SEMA6D: variants seen among roughly 807,000 people sequenced by gnomAD.
SEMA6D encodes semaphorin-6D.
A neutral mutation model predicts 106.6 loss-of-function variants in SEMA6D; 35 were observed. That is an observed-to-expected ratio of 0.33 (90% CI 0.25 to 0.44). SEMA6D has a LOEUF of 0.44. Among genes scored for constraint, SEMA6D ranks in the 20% least tolerant of loss-of-function variants. The pLI, the probability that SEMA6D is intolerant of heterozygous loss-of-function variation, is 1.00. For missense variants in SEMA6D, 1,185 were observed against 1,345.9 expected (o/e 0.88, Z 1.87); for synonymous variants, 499 against 487.7 (o/e 1.02, Z -0.31).
At chr15:47,479,243 T>C (rs1387280866) in intron 3 of SEMA6D, among the ~76,000 whole-genome samples, 50 of 152,182 alleles carry the variant, frequency 3.3e-4, no homozygotes, top group Admixed American at 3.1e-3. Flanking sequence ...ATGTCCATTT[T>C]TGAAATCTTC....
intron 3 of SEMA6D, among the ~76,000 whole-genome samples, chr15:47,520,132 C>T (rs1049144678): frequency 1.3e-5 from 2 of 152,188 alleles, no homozygotes; most frequent in African/African-American, 4.8e-5. Flanking sequence ...TTCTATGTCT[C>T]CTTGATACCT....
At chr15:47,715,171 A>C (rs558624143), upstream of SEMA6D, among the ~76,000 whole-genome samples, 1 of 152,306 alleles carries the variant, frequency 6.6e-6, no homozygotes, top group South Asian at 2.1e-4. Context: ...CAGAAAGCAG[A>C]GACACCATGA....
At chr15:47,444,900 G>A (rs527558759) in intron 2 of SEMA6D, among the ~76,000 whole-genome samples, 11 of 152,190 alleles carry the variant, frequency 7.2e-5, no homozygotes, top group East Asian at 1.9e-4. Context: ...CTTGTCCAGC[G>A]TCCAGGAAAA....
chr15:47,623,318 T>A (rs1431906426), intron 4 of SEMA6D, among the ~76,000 whole-genome samples: 1 of 152,208 alleles, frequency 6.6e-6, no homozygotes, highest in Non-Finnish European at 1.5e-5. Context: ...CAGTGAACAT[T>A]CATTGAGTGC....
intron 1 of SEMA6D, among the ~76,000 whole-genome samples, chr15:47,282,317 G>A (rs575170950): frequency 6.6e-6 from 1 of 152,204 alleles, no homozygotes; most frequent in East Asian, 1.9e-4. Context: ...GATTTATGCA[G>A]TATGTGCTCT....
At chr15:47,418,327 C>T (rs558973062) in intron 2 of SEMA6D, among the ~76,000 whole-genome samples, 3 of 152,106 alleles carry the variant, frequency 2.0e-5, no homozygotes, top group Admixed American at 6.6e-5. Context: ...GCTGCCATGC[C>T]GAGAGTGTCT....
At chr15:47,680,503 A>G (rs2078331462) in intron 4 of SEMA6D, among the ~76,000 whole-genome samples, 1 of 152,162 alleles carries the variant, frequency 6.6e-6, no homozygotes, top group South Asian at 2.1e-4. Context: ...GGTGATACAC[A>G]TGCATTGAAA....
At chr15:47,638,124 C>A (rs200174439) in intron 4 of SEMA6D, among the ~76,000 whole-genome samples, 11 of 148,404 alleles carry the variant, frequency 7.4e-5, no homozygotes, top group African/African-American at 1.3e-4. Context: ...CAAAAAAAAA[C>A]CCAATTTCTT....
intron 3 of SEMA6D, among the ~76,000 whole-genome samples, chr15:47,514,762 A>G (rs1405259720): frequency 2.0e-5 from 3 of 152,150 alleles, no homozygotes; most frequent in African/African-American, 7.2e-5. Flanking sequence ...CACTTGAAAA[A>G]GCTTTCAGTG....
intron 1 of SEMA6D, among the ~76,000 whole-genome samples, chr15:47,188,667 T>G (rs1009147234): frequency 1.3e-5 from 2 of 152,212 alleles, no homozygotes; most frequent in African/African-American, 4.8e-5. Context: ...TTTATTCTAC[T>G]TATGTATACA....
At chr15:47,367,421 A>C (rs1326080241) in intron 1 of SEMA6D, among the ~76,000 whole-genome samples, 1 of 152,228 alleles carries the variant, frequency 6.6e-6, no homozygotes, top group Non-Finnish European at 1.5e-5. Flanking sequence ...GAAGATAATC[A>C]GCAAATCCTA....
intron 3 of SEMA6D, among the ~76,000 whole-genome samples, chr15:47,590,730 A>G (rs1217525798): frequency 1.3e-5 from 2 of 152,176 alleles, no homozygotes; most frequent in Non-Finnish European, 2.9e-5. Flanking sequence ...TGCAGCTGCA[A>G]TCCAACGAAT....
At chr15:47,477,081 A>G (rs1050960687) in intron 3 of SEMA6D, among the ~76,000 whole-genome samples, 7 of 152,222 alleles carry the variant, frequency 4.6e-5, no homozygotes, top group African/African-American at 9.6e-5. Context: ...ACCAAAATGT[A>G]TTGACTAGAT....
intron 4 of SEMA6D, among the ~76,000 whole-genome samples, chr15:47,647,093 G>A (rs917921540): frequency 2.0e-5 from 3 of 152,090 alleles, no homozygotes; most frequent in South Asian, 4.1e-4. Flanking sequence ...AGCTTAGTAC[G>A]AGTTTTCCAA....
intron 1 of SEMA6D, among the ~76,000 whole-genome samples, chr15:47,405,052 A>C (rs536982415): frequency 6.6e-6 from 1 of 152,218 alleles, no homozygotes; most frequent in Non-Finnish European, 1.5e-5. Context: ...AGAAGTGAGA[A>C]AGGCACTCCA....
chr15:47,627,169 A>G (rs1174085177), intron 4 of SEMA6D, among the ~76,000 whole-genome samples: 1 of 152,138 alleles, frequency 6.6e-6, no homozygotes, highest in Non-Finnish European at 1.5e-5. Flanking sequence ...CAACCTGGTA[A>G]TATGATTGAA....
intron 3 of SEMA6D, among the ~76,000 whole-genome samples, chr15:47,578,521 T>A (rs2076196892): frequency 6.6e-6 from 1 of 152,244 alleles, no homozygotes; most frequent in Admixed American, 6.5e-5. Context: ...AACCAAATGA[T>A]CTATGTATAA....
At chr15:47,507,867 T>G (rs746703657) in intron 3 of SEMA6D, among the ~76,000 whole-genome samples, 4 of 152,232 alleles carry the variant, frequency 2.6e-5, no homozygotes, top group African/African-American at 4.8e-5. Flanking sequence ...AAGTGTCTTT[T>G]GCATCCTGAA....
At chr15:47,714,777 C>T (rs934378066), upstream of SEMA6D, among the ~76,000 whole-genome samples, 1 of 152,172 alleles carries the variant, frequency 6.6e-6, no homozygotes, top group Non-Finnish European at 1.5e-5. Context: ...GGAGAAGGAT[C>T]CAATCTAGAG....
Sources: allele counts gnomAD v4.1 joint callset (sites outside exome capture counted in the v4.1 genomes callset), GRCh38; gene constraint gnomAD v4.1.1; transcripts MANE v1.5; gene names NCBI Gene and HGNC (gene_info 2026-07-23, HGNC 2026-07-21).